SLC39A8: variants seen among roughly 807,000 people sequenced by gnomAD.
SLC39A8 encodes the protein metal cation symporter ZIP8.
Under a neutral mutation model 40.4 loss-of-function variants are expected in SLC39A8, and 15 were observed. The ratio of observed to expected loss-of-function variants is 0.37; its 90% CI spans 0.25 to 0.57. The LOEUF (loss-of-function observed/expected upper bound fraction) is 0.57. Ranked by LOEUF, SLC39A8 falls within the 20% of genes least tolerant of loss-of-function variation. The probability of loss-of-function intolerance (pLI) is 0.75; values close to 1 mark genes in which losing one functional copy is unlikely to be tolerated. For synonymous variants in SLC39A8, 223 were observed against 221.6 expected (o/e 1.01, Z -0.06); for missense variants, 472 against 558.8 (o/e 0.84, Z 1.57).
At chr4:102,333,330 A>G (rs1374346451) in intron 2 of SLC39A8, among the ~76,000 whole-genome samples, 1 of 152,154 alleles carries the variant, frequency 6.6e-6, no homozygotes, top group Non-Finnish European at 1.5e-5. Flanking sequence ...CAGAGTGGCT[A>G]GACATATTAT....
At chr4:102,322,125 A>G (rs1239757689) in intron 2 of SLC39A8, among the ~76,000 whole-genome samples, 1 of 152,182 alleles carries the variant, frequency 6.6e-6, no homozygotes, top group Non-Finnish European at 1.5e-5. Flanking sequence ...TTTGGTAAGC[A>G]TAGGAGCAGT....
exon 12 of SLC39A8, chr4:102,251,977 T>C (rs577545227): frequency 4.6e-5 from 7 of 152,354 alleles, no homozygotes; most frequent in African/African-American, 1.7e-4. Flanking sequence ...ATGGCATAAT[T>C]CTTAACCTCT....
At chr4:102,255,399 AAC>A (rs1731684499) in intron 11 of SLC39A8, among the ~76,000 whole-genome samples, 1 of 152,202 alleles carries the variant, frequency 6.6e-6, no homozygotes, top group Non-Finnish European at 1.5e-5. Context: ...AACCAAAGAC[AAC>A]ACAACTCTCT....
intron 2 of SLC39A8, among the ~76,000 whole-genome samples, chr4:102,338,344 T>G (rs1735769267): frequency 6.6e-6 from 1 of 151,904 alleles, no homozygotes; most frequent in Non-Finnish European, 1.5e-5. Context: ...CCACCACTAC[T>G]CCCGGCTAAT....
chr4:102,332,026 T>A (rs13128485), intron 2 of SLC39A8, among the ~76,000 whole-genome samples: 45,374 of 151,994 alleles, frequency 0.3, 7,897 homozygotes, highest in Middle Eastern at 0.4. Flanking sequence ...GAAAATAAAT[T>A]GAAGATTTGA....
At chr4:102,314,308 C>T (rs1225294515) in intron 3 of SLC39A8, among the ~76,000 whole-genome samples, 1 of 152,102 alleles carries the variant, frequency 6.6e-6, no homozygotes, top group Non-Finnish European at 1.5e-5. Context: ...GCAATCGCTT[C>T]CTGACCAATC....
chr4:102,252,277 CA>C (rs1731610719), exon 12 of SLC39A8: 1 of 152,326 alleles, frequency 6.6e-6, no homozygotes, highest in Non-Finnish European at 1.5e-5. Flanking sequence ...ATGTGGCCAT[CA>C]AAATGTCATA....
At chr4:102,279,536 A>T (rs1732781189) in intron 6 of SLC39A8, among the ~76,000 whole-genome samples, 1 of 152,184 alleles carries the variant, frequency 6.6e-6, no homozygotes, top group Non-Finnish European at 1.5e-5. Context: ...CAGATCTTAA[A>T]GAAATGAAGA....
chr4:102,344,558 G>A lies in SLC39A8; in HGVS notation c.105C>T (p.Ser35=). The change falls in exon 2 of 9, where the codon AGC becomes AGT. Residue 35 remains serine, a synonymous_variant. Coordinates refer to ENST00000356736, the MANE Select transcript of SLC39A8 (RefSeq NM_001135146.2). ...ACAGGCTCAGATTCGCGCCGAACAC[G>A]CTCAGCACATCCTCGCTGAAGGCTA... ...PGLAFSEDVL[S]VFGANLSLSA... is the part of the protein sequence containing the mutation. 6.4e-7 allele frequency: 1 copy of A among 1,553,702 alleles called. No individual in the cohort carries two copies. The highest frequency in any genetic ancestry group is 1.2e-5 in the South Asian group (1 of 83,988).
chr4:102,275,215 T>C (rs971843474), intron 6 of SLC39A8, among the ~76,000 whole-genome samples: 17 of 152,160 alleles, frequency 1.1e-4, no homozygotes, highest in African/African-American at 4.1e-4. Flanking sequence ...CCATCTCATG[T>C]AAGAAGACAC....
At chr4:102,259,769 A>G (rs528263206), downstream of SLC39A8, among the ~76,000 whole-genome samples, 16 of 152,288 alleles carry the variant, frequency 1.1e-4, no homozygotes, top group East Asian at 3.1e-3. Flanking sequence ...CTTTTCTTGC[A>G]CTGACTGGCT....
downstream of SLC39A8, among the ~76,000 whole-genome samples, chr4:102,258,809 A>G (rs1020723758): frequency 1.3e-5 from 2 of 152,136 alleles, no homozygotes; most frequent in African/African-American, 4.8e-5. Context: ...TAGTTCTCCA[A>G]TTGCCCCACA....
At chr4:102,259,645 G>T, downstream of SLC39A8, 1 of 620,658 alleles carries the variant, frequency 1.6e-6, no homozygotes, top group Admixed American at 2.8e-5. Flanking sequence ...TGGCCAACCC[G>T]AAAGTCAACG....
At chr4:102,324,812 T>C (rs1390946921) in intron 2 of SLC39A8, among the ~76,000 whole-genome samples, 2 of 152,164 alleles carry the variant, frequency 1.3e-5, no homozygotes, top group Admixed American at 1.3e-4. Flanking sequence ...TACATACATT[T>C]AAAATGGTAG....
downstream of SLC39A8, chr4:102,259,464 C>A: frequency 1.3e-6 from 2 of 1,546,330 alleles, no homozygotes; most frequent in Non-Finnish European, 8.8e-7. Flanking sequence ...CCGTATATAT[C>A]CAAAGTAAAT....
intron 6 of SLC39A8, among the ~76,000 whole-genome samples, chr4:102,295,180 T>A (rs1426551589): frequency 6.8e-6 from 1 of 147,962 alleles, no homozygotes; most frequent in Non-Finnish European, 1.5e-5. Flanking sequence ...AATATATATA[T>A]TATATATATG....
intron 8 of SLC39A8, among the ~76,000 whole-genome samples, chr4:102,266,695 C>A (rs1331921313): frequency 2.6e-5 from 4 of 151,998 alleles, no homozygotes; most frequent in Non-Finnish European, 5.9e-5. Context: ...GCAACCTCTG[C>A]CTCCCGGGTT....
At chr4:102,257,633 A>C (rs1245874523), downstream of SLC39A8, among the ~76,000 whole-genome samples, 2 of 152,156 alleles carry the variant, frequency 1.3e-5, no homozygotes, top group Non-Finnish European at 2.9e-5. Flanking sequence ...TGGAGGCAAA[A>C]AGCAGGATAC....
intron 11 of SLC39A8, among the ~76,000 whole-genome samples, chr4:102,256,323 G>C (rs17032321): frequency 0.085 from 12,880 of 152,192 alleles, 1,113 homozygotes; most frequent in African/African-American, 0.22. Context: ...ATCTACACGA[G>C]AAGGATTCCC....
Sources: allele counts gnomAD v4.1 joint callset (sites outside exome capture counted in the v4.1 genomes callset), GRCh38; gene constraint gnomAD v4.1.1; transcripts MANE v1.5; gene names NCBI Gene and HGNC (gene_info 2026-07-23, HGNC 2026-07-21).